ERC1: variants seen among roughly 807,000 people sequenced by gnomAD.
ERC1 encodes ELKS/RAB6-interacting/CAST family member 1, also known as RAB6 interacting protein 2.
ERC1 carries 56 observed loss-of-function variants against 132.0 expected under a neutral mutation model. The observed-to-expected ratio is 0.42, with a 90% CI of 0.34 to 0.53. ERC1 has a LOEUF of 0.53. Among genes scored for constraint, ERC1 ranks in the 20% least tolerant of loss-of-function variants. ERC1 has a pLI of 0.03. For synonymous variants in ERC1, 478 were observed against 476.1 expected (o/e 1.00, Z -0.05); for missense variants, 1,202 against 1,349.9 (o/e 0.89, Z 1.72).
chr12:1,244,733 G>A (rs2076056603), intron 13 of ERC1: 3 of 349,090 alleles, frequency 8.6e-6, no homozygotes, highest in South Asian at 6.4e-5. Flanking sequence ...CACCATGTTG[G>A]CCAGGCTGGT....
At chr12:1,039,345 AAAAAAAAT>A (rs1419287542) in intron 2 of ERC1, among the ~76,000 whole-genome samples, 2 of 148,990 alleles carry the variant, frequency 1.3e-5, no homozygotes, top group African/African-American at 4.9e-5. Context: ...CTCAAAAAAA[AAAAAAAAT>A]AAAAATAAAT....
chr12:1,038,384 C>T (rs1423263793), intron 2 of ERC1, among the ~76,000 whole-genome samples: 17 of 149,768 alleles, frequency 1.1e-4, no homozygotes, highest in South Asian at 2.1e-4. Context: ...TTTTTTGAGA[C>T]GGAGTCTCGC....
chr12:1,465,946 A>G (rs953753213), intron 18 of ERC1, among the ~76,000 whole-genome samples: 1 of 152,176 alleles, frequency 6.6e-6, no homozygotes, highest in Non-Finnish European at 1.5e-5. Context: ...AGATGGGACC[A>G]GGCTAATTCT....
chr12:1,453,492 C>T lies in ERC1; in HGVS notation c.3213+8742C>T, dbSNP rs188636150. Among the ~76,000 whole-genome samples, 1,226 of 152,276 alleles carry T rather than the reference C, an allele frequency of 8.1e-3. 8 individuals are homozygous for T. Among genetic ancestry groups the T allele is most frequent in the Non-Finnish European group, 0.012 (821 of 68,024 alleles). Reference sequence around the variant, plus strand: ...AATTTGGCCTTATGTCTTCTCACTTCCGGGCTTTCTTGATGTCAAGCTCCC... The same window carrying T: ...AATTTGGCCTTATGTCTTCTCACTTTCGGGCTTTCTTGATGTCAAGCTCCC... On this transcript the variant is annotated intron_variant, in intron 18 of 18. Coordinates refer to ENST00000360905, the MANE Select transcript of ERC1 (RefSeq NM_178040.4).
At chr12:1,166,193 C>T (rs1034360886) in intron 8 of ERC1, among the ~76,000 whole-genome samples, 8 of 152,224 alleles carry the variant, frequency 5.3e-5, no homozygotes, top group South Asian at 2.1e-4. Flanking sequence ...ATGTATTGTG[C>T]GAGGGACCCA....
chr12:1,148,073 A>C (rs1358515881), intron 8 of ERC1, among the ~76,000 whole-genome samples: 1 of 152,182 alleles, frequency 6.6e-6, no homozygotes, highest in Non-Finnish European at 1.5e-5. Flanking sequence ...CAAGCTACTA[A>C]AAAAGCCTTA....
At chr12:1,294,468 T>C (rs1302382830) in intron 15 of ERC1, among the ~76,000 whole-genome samples, 3 of 152,196 alleles carry the variant, frequency 2.0e-5, no homozygotes, top group African/African-American at 7.2e-5. Flanking sequence ...GTTTTCAGCT[T>C]TCAAAATTCT....
intron 15 of ERC1, among the ~76,000 whole-genome samples, chr12:1,331,708 G>T (rs1489158475): frequency 6.6e-6 from 1 of 152,146 alleles, no homozygotes. Context: ...ATAAAGTGTT[G>T]TTAGTCCCCC....
intron 2 of ERC1, among the ~76,000 whole-genome samples, chr12:1,068,685 A>T (rs1939760855): frequency 6.6e-6 from 1 of 152,244 alleles, no homozygotes; most frequent in African/African-American, 2.4e-5. Context: ...AAAATATACT[A>T]GCAAGGTAAA....
chr12:999,565 T>C (rs1390708871), intron 1 of ERC1, among the ~76,000 whole-genome samples: 2 of 151,436 alleles, frequency 1.3e-5, no homozygotes, highest in Non-Finnish European at 2.9e-5. Context: ...TATGAGGTAG[T>C]GCATCCTCTG....
At chr12:1,422,855 A>G (rs903855661) in intron 17 of ERC1, among the ~76,000 whole-genome samples, 3 of 152,072 alleles carry the variant, frequency 2.0e-5, no homozygotes, top group African/African-American at 7.3e-5. Flanking sequence ...CCTCTCCAGC[A>G]TTTGTTATTT....
At chr12:1,184,447 A>C (rs1046475604) in intron 11 of ERC1, among the ~76,000 whole-genome samples, 3 of 151,764 alleles carry the variant, frequency 2.0e-5, no homozygotes, top group African/African-American at 7.3e-5. Context: ...ATGAAGGACT[A>C]TTTGGCGTAT....
intron 8 of ERC1, among the ~76,000 whole-genome samples, chr12:1,143,195 C>T (rs773099839): frequency 1.3e-5 from 2 of 152,162 alleles, no homozygotes; most frequent in Admixed American, 6.6e-5. Context: ...TGAGCCACTG[C>T]ACCAGCCCAC....
intron 7 of ERC1, among the ~76,000 whole-genome samples, chr12:1,128,815 G>A (rs1300596025): frequency 1.3e-5 from 2 of 152,140 alleles, no homozygotes; most frequent in Non-Finnish European, 2.9e-5. Flanking sequence ...CAGGATTTTA[G>A]ACATGAAATA....
At chr12:1,211,316 T>C (rs868673575) in intron 12 of ERC1, among the ~76,000 whole-genome samples, 3 of 151,916 alleles carry the variant, frequency 2.0e-5, no homozygotes, top group South Asian at 4.2e-4. Flanking sequence ...GCCCGGCTAA[T>C]TTTGTATTTT....
chr12:1,364,530 C>T (rs964605771), intron 15 of ERC1, among the ~76,000 whole-genome samples: 4 of 152,204 alleles, frequency 2.6e-5, no homozygotes, highest in African/African-American at 7.2e-5. Context: ...AGCTTCTCTG[C>T]CATTTCCTGT....
At chr12:1,473,454 A>G (rs2093906735) in intron 18 of ERC1, among the ~76,000 whole-genome samples, 1 of 151,990 alleles carries the variant, frequency 6.6e-6, no homozygotes. Flanking sequence ...ATTGCCTGGC[A>G]AGGGAGTTCA....
Position 1,494,628 on chromosome 12 carries a change from G to T in ERC1, c.*4398G>T. On this transcript the variant is annotated 3_prime_UTR_variant, in exon 19 of 19. Coordinates refer to ENST00000360905, the MANE Select transcript of ERC1 (RefSeq NM_178040.4). Reference sequence around the variant, plus strand: ...TGGCCCTGTTGTAGGTACTTCTCCTGACTCTTGGGGGAGAAGTGGTTTTAG... The same window carrying T: ...TGGCCCTGTTGTAGGTACTTCTCCTTACTCTTGGGGGAGAAGTGGTTTTAG... The T allele has an allele frequency of 4.3e-6, 1 of 231,082 alleles. No homozygotes were observed. 14.3% of individuals were successfully genotyped at this position (231,082 alleles called of 1,614,324 possible).
rs1394227202 is a variant in ERC1 at position 1,183,382 on chromosome 12, G to GA, written c.2120dup (p.Glu708GlyfsTer15). On this transcript the variant is annotated frameshift_variant, in exon 11 of 19. Transcript: ENST00000360905. LOFTEE classifies it high-confidence loss of function. Reference sequence around the variant, plus strand: ...CACTAGAGATTGCTTTGGAGCAGAAGAAGGAGGAGTGTCTGAAAATGGAAT... The same window carrying GA: ...CACTAGAGATTGCTTTGGAGCAGAAGAAAGGAGGAGTGTCTGAAAATGGAAT... 1 of 1,590,720 alleles carries GA rather than the reference G, an allele frequency of 6.3e-7. No homozygotes were observed. Among genetic ancestry groups the GA allele is most frequent in the Non-Finnish European group, 8.6e-7 (1 of 1,164,136 alleles).
Sources: allele counts gnomAD v4.1 joint callset (sites outside exome capture counted in the v4.1 genomes callset), GRCh38; gene constraint gnomAD v4.1.1; transcripts MANE v1.5; gene names NCBI Gene and HGNC (gene_info 2026-07-23, HGNC 2026-07-21).